The following PREP variants were observed in gnomAD, a reference collection of about 807,000 sequenced individuals.
PREP encodes prolyl endopeptidase.
Under a neutral mutation model 87.6 loss-of-function variants are expected in PREP, and 29 were observed. The ratio of observed to expected loss-of-function variants is 0.33; its 90% confidence interval spans 0.25 to 0.45. The LOEUF is 0.45. Ranked by LOEUF, PREP falls within the 20% of genes least tolerant of loss-of-function variation. The pLI is 1.00. For synonymous variants in PREP, 337 were observed against 328.6 expected (o/e 1.03, Z -0.28); for missense variants, 695 against 886.5 (o/e 0.78, Z 2.74).
chr6:105,401,167 C>G (rs906490666), intron 1 of PREP, among the ~76,000 whole-genome samples: 25 of 152,214 alleles, frequency 1.6e-4, no homozygotes, highest in African/African-American at 6.0e-4. Flanking sequence ...AAAATCCTCA[C>G]TTAAACCTTT....
At chr6:105,287,005 A>C (rs961634136) in intron 11 of PREP, among the ~76,000 whole-genome samples, 2 of 132,022 alleles carry the variant, frequency 1.5e-5, no homozygotes, top group Non-Finnish European at 3.3e-5. Context: ...CCCACACTCG[A>C]GCATCACTGT....
chr6:105,283,779 AC>A (rs1477129620), intron 12 of PREP, among the ~76,000 whole-genome samples: 2 of 152,226 alleles, frequency 1.3e-5, no homozygotes, highest in Non-Finnish European at 1.5e-5. Context: ...AACATAGTCT[AC>A]TGTTAGCCTT....
chr6:105,368,050 T>G (rs1431740736), intron 6 of PREP, among the ~76,000 whole-genome samples: 1 of 152,224 alleles, frequency 6.6e-6, no homozygotes, highest in South Asian at 2.1e-4. Context: ...GATTCCTGTT[T>G]TGTCCCCCAA....
At chr6:105,377,274 C>A in intron 3 of PREP, 112 bp downstream of exon 3, 11 of 1,210,688 alleles carry the variant, frequency 9.1e-6, no homozygotes, top group African/African-American at 1.5e-5. Context: ...AAATTAATTC[C>A]TTATAATGAA....
chr6:105,289,519 C>T (rs922277435), intron 10 of PREP, among the ~76,000 whole-genome samples: 1 of 152,166 alleles, frequency 6.6e-6, no homozygotes, highest in African/African-American at 2.4e-5. Flanking sequence ...AGACCCTTCT[C>T]TCCACTATTG....
chr6:105,384,964 T>C (rs1187541658), intron 2 of PREP, among the ~76,000 whole-genome samples: 1 of 152,204 alleles, frequency 6.6e-6, no homozygotes, highest in Non-Finnish European at 1.5e-5. Context: ...TCAGCTCCTC[T>C]TTTTATGTGA....
At chr6:105,299,959 T>C (rs1770497392) in intron 10 of PREP, among the ~76,000 whole-genome samples, 1 of 151,754 alleles carries the variant, frequency 6.6e-6, no homozygotes, top group African/African-American at 2.4e-5. Flanking sequence ...TGAAGTGGCA[T>C]GATCTCAGCT....
intron 10 of PREP, among the ~76,000 whole-genome samples, chr6:105,315,008 T>C (rs950910141): frequency 6.6e-6 from 1 of 152,206 alleles, no homozygotes; most frequent in African/African-American, 2.4e-5. Flanking sequence ...GCATTGTCAA[T>C]GAGCAGTAAA....
intron 2 of PREP, among the ~76,000 whole-genome samples, chr6:105,382,429 ATTTGAAAAATTGAC>A (rs1289232727): frequency 6.6e-6 from 1 of 152,184 alleles, no homozygotes; most frequent in Non-Finnish European, 1.5e-5. Flanking sequence ...TCACCTGTCA[ATTTGAAAAATTGAC>A]TTACGAAATA....
chr6:105,340,217 AAG>A (rs1235941042), intron 7 of PREP, among the ~76,000 whole-genome samples: 3 of 152,228 alleles, frequency 2.0e-5, no homozygotes, highest in Admixed American at 6.5e-5. Flanking sequence ...TACAAGCCAC[AAG>A]AGAGTGGGGG....
intron 11 of PREP, among the ~76,000 whole-genome samples, chr6:105,288,112 C>A (rs1000638516): frequency 6.6e-6 from 1 of 152,112 alleles, no homozygotes; most frequent in Non-Finnish European, 1.5e-5. Context: ...GAAGGTAGTG[C>A]GGTGGCAGCA....
At chr6:105,288,734 ACT>A in intron 11 of PREP, 22 bp downstream of exon 11, 2 of 1,611,744 alleles carry the variant, frequency 1.2e-6, no homozygotes, top group Middle Eastern at 1.7e-4. Context: ...AAATACTGGC[ACT>A]CTGAGTGCGT....
Position 105,377,964 on chromosome 6 carries a change from C to G in PREP, c.121-445G>C, listed in dbSNP as rs148300700. Among the ~76,000 whole-genome samples, 639 of 152,316 alleles carry G rather than the reference C, an allele frequency of 4.2e-3. 4 individuals carry two copies. Among genetic ancestry groups the G allele is most frequent in the South Asian group, 8.7e-3 (42 of 4,830 alleles). On this transcript the variant is annotated intron_variant, in intron 2 of 14. Coordinates refer to ENST00000652536, the MANE Select transcript of PREP (RefSeq NM_002726.5). ...ACTATACTGTAGCTCAGATCACACA[C>G]TGCCAATAATCTGCATTTACGCAGT...
intron 10 of PREP, chr6:105,323,107 G>C (rs55764644): frequency 0.011 from 14,986 of 1,303,962 alleles, 95 homozygotes; most frequent in Non-Finnish European, 0.013. Flanking sequence ...AGTACCCTTG[G>C]GGAGCTGAAA....
Position 105,278,292 on chromosome 6 carries a change from C to A in PREP, c.1985G>T (p.Arg662Leu). Residue 662 changes from arginine to leucine, a missense_variant, in exon 15 of 15, where the codon CGC becomes CTC. Arg to Leu is a moderately radical substitution (Grantham distance 102). This residue lies in a region of PREP where 121 missense variants were observed against 154.8 expected (regional missense o/e 0.78). Transcript: ENST00000652536. This position sits in a 1 kb window ranked among gnomAD's most constrained non-coding sequence, Gnocchi z 4.2. The part of the protein sequence containing the change: ...FIATLQYIVG[R>L]SRKQSNPLLI... Reference sequence around the variant, plus strand: ...CAGGGGGTTGCTTTGCTTCCTGCTGCGGCCCACGATGTACTGAAGGGTGGC... The same window carrying A: ...CAGGGGGTTGCTTTGCTTCCTGCTGAGGCCCACGATGTACTGAAGGGTGGC... The A allele has an allele frequency of 1.2e-6, 2 of 1,614,178 alleles. No homozygotes were observed. Among genetic ancestry groups the A allele is most frequent in the Non-Finnish European group, 1.7e-6 (2 of 1,180,046 alleles).
At position 105,282,098 on chromosome 6, in the gene PREP, G is replaced by A. The variant is rs997653716; in HGVS notation, c.1682-196C>T. On this transcript the variant is annotated intron_variant, in intron 13 of 14. Coordinates refer to ENST00000652536, the MANE Select transcript of PREP (RefSeq NM_002726.5). ...CACTCTGAGATCTGTCAGAGGGGGT[G>A]GGGATTCTCATCAGTAATGGAGCTT... 1.1e-4 allele frequency among the ~76,000 whole-genome samples: 16 copies of A among 152,160 alleles called. No homozygotes were observed. The East Asian group carries it at 2.3e-3, about 22-fold the overall frequency.
intron 10 of PREP, among the ~76,000 whole-genome samples, chr6:105,312,443 A>G (rs1309912949): frequency 2.0e-5 from 3 of 152,244 alleles, no homozygotes; most frequent in Non-Finnish European, 2.9e-5. Context: ...ACCAACATAA[A>G]TGATGAAGCT....
In PREP at chr6:105,377,539, G is replaced by T; in HGVS notation, c.121-20C>A. On this transcript the variant is annotated intron_variant, in intron 2 of 14. Transcript: ENST00000652536. ...AAAGGCCTGTGGAGAAATTAAAATG[G>T]ACAAAGCAAGTTAAATATAAAATTT... The T allele has an allele frequency of 1.9e-6, 3 of 1,604,686 alleles. No homozygotes were observed. The highest frequency in any genetic ancestry group is 2.5e-6 in the Non-Finnish European group (3 of 1,177,578).
intron 7 of PREP, among the ~76,000 whole-genome samples, chr6:105,338,170 G>C (rs1446915827): frequency 6.6e-6 from 1 of 152,184 alleles, no homozygotes; most frequent in East Asian, 1.9e-4. Flanking sequence ...TGAAATGTCA[G>C]ATTCCTTAAA....
Sources: allele counts gnomAD v4.1 joint callset (sites outside exome capture counted in the v4.1 genomes callset), GRCh38; gene constraint gnomAD v4.1.1; regional missense constraint gnomAD v4.1.1; non-coding constraint Gnocchi (gnomAD v3.1); transcripts MANE v1.5; gene names NCBI Gene and HGNC (gene_info 2026-07-23, HGNC 2026-07-21).